The following DLGAP1 variants were observed in gnomAD, a reference collection of about 807,000 sequenced individuals.
DLGAP1 encodes the protein DLG associated protein 1.
Under a neutral mutation model 90.8 loss-of-function variants are expected in DLGAP1, and 11 were observed. The observed-to-expected ratio is 0.12, with a 90% CI of 0.08 to 0.20. DLGAP1 has a LOEUF of 0.20. Ranked by LOEUF, DLGAP1 falls within the 10% of genes least tolerant of loss-of-function variation. The pLI is 1.00. For missense variants in DLGAP1, 1,050 were observed against 1,333.8 expected, an observed-to-expected ratio of 0.79 and a Z score of 3.31; for synonymous variants, 558 against 540.7, an observed-to-expected ratio of 1.03 and a Z score of -0.44.
intron 2 of DLGAP1, among the ~76,000 whole-genome samples, chr18:4,135,265 G>C (rs1224215608): frequency 6.6e-6 from 1 of 152,028 alleles, no homozygotes; most frequent in Non-Finnish European, 1.5e-5. Flanking sequence ...GCAAACAGTA[G>C]AAGAGGGGGG....
intron 1 of DLGAP1, among the ~76,000 whole-genome samples, chr18:4,434,798 A>G: frequency 6.6e-6 from 1 of 152,214 alleles, no homozygotes; most frequent in East Asian, 1.9e-4. Flanking sequence ...AACAATGTTT[A>G]GAGGTCTGCC....
intron 2 of DLGAP1, among the ~76,000 whole-genome samples, chr18:4,118,868 A>G (rs2076106030): frequency 1.3e-5 from 2 of 152,250 alleles, no homozygotes; most frequent in South Asian, 4.1e-4. Flanking sequence ...TTAAAAAACT[A>G]TGTTTTTAAA....
At chr18:4,114,342 A>G (rs916766266) in intron 2 of DLGAP1, among the ~76,000 whole-genome samples, 4 of 151,600 alleles carry the variant, frequency 2.6e-5, no homozygotes, top group Non-Finnish European at 5.9e-5. Flanking sequence ...ATTCCTAGAT[A>G]TTTTACTTTA....
At chr18:3,688,276 G>T (rs2060770786) in intron 7 of DLGAP1, among the ~76,000 whole-genome samples, 1 of 151,964 alleles carries the variant, frequency 6.6e-6, no homozygotes, top group South Asian at 2.1e-4. Context: ...ATAGTTAATG[G>T]TTATCAAATG....
intron 2 of DLGAP1, among the ~76,000 whole-genome samples, chr18:4,021,371 G>A (rs1458923863): frequency 6.6e-6 from 1 of 152,044 alleles, no homozygotes; most frequent in Non-Finnish European, 1.5e-5. Context: ...GCTTAAAAGT[G>A]TGTGGTACCT....
intron 7 of DLGAP1, among the ~76,000 whole-genome samples, chr18:3,646,668 T>C (rs2059125864): frequency 6.6e-6 from 1 of 152,240 alleles, no homozygotes; most frequent in Non-Finnish European, 1.5e-5. Flanking sequence ...CTCATGCCTG[T>C]AATCCCAGCA....
intron 4 of DLGAP1, among the ~76,000 whole-genome samples, chr18:3,826,962 A>C (rs1247487032): frequency 2.0e-5 from 3 of 152,172 alleles, no homozygotes; most frequent in Non-Finnish European, 2.9e-5. Flanking sequence ...GAGAAACAGT[A>C]GTTAAGGGCG....
chr18:4,419,132 G>C (rs182177940), intron 1 of DLGAP1, among the ~76,000 whole-genome samples: 47 of 152,276 alleles, frequency 3.1e-4, no homozygotes, highest in African/African-American at 1.1e-3. Flanking sequence ...GTATTAGTCT[G>C]TTTTCATGCT....
At position 3,533,776 on chromosome 18, in the gene DLGAP1, T is replaced by C. The variant is rs1477245337; in HGVS notation, c.2479+418A>G. On this transcript the variant is annotated intron_variant, in intron 10 of 12. Transcript: ENST00000315677. ...TTTTCTTTTTTTATTTAAAAAGAAT[T>C]TTTGTGGGTATATAGTAGATGTATA... Among the ~76,000 whole-genome samples the C allele has an allele frequency of 5.3e-5, 8 of 152,052 alleles. No individual in the cohort carries two copies. In the East Asian group the frequency reaches 1.5e-3, roughly 29 times the overall value.
intron 3 of DLGAP1, among the ~76,000 whole-genome samples, chr18:3,887,638 A>AT (rs958712712): frequency 2.0e-5 from 3 of 151,516 alleles, no homozygotes; most frequent in Non-Finnish European, 2.9e-5. Flanking sequence ...CATACATGAC[A>AT]TTTTTTTTTA....
chr18:3,664,456 T>A (rs915515803), intron 7 of DLGAP1, among the ~76,000 whole-genome samples: 1 of 152,210 alleles, frequency 6.6e-6, no homozygotes, highest in Admixed American at 6.5e-5. Context: ...TGACTACACA[T>A]GTGCCCTGTC....
chr18:3,852,937 T>C (rs1406255307), intron 4 of DLGAP1, among the ~76,000 whole-genome samples: 2 of 152,068 alleles, frequency 1.3e-5, no homozygotes, highest in Non-Finnish European at 2.9e-5. Flanking sequence ...TGAAAGAAAT[T>C]GCATTTAAAT....
At chr18:3,814,905 A>T (rs923814894) in intron 4 of DLGAP1, among the ~76,000 whole-genome samples, 37 of 152,218 alleles carry the variant, frequency 2.4e-4, no homozygotes, top group African/African-American at 8.9e-4. Context: ...TTTAGACATT[A>T]ACCTTTCAAT....
rs544332374 is a variant in DLGAP1, at chr18:3,866,414, G to T, written c.957+12698C>A. On this transcript the variant is annotated intron_variant, in intron 4 of 12. Transcript: ENST00000315677. ...AACTCTTTCTTAGACAGCTTAGATT[G>T]ATTAATAGGGAAGGAATGGGCAGTA... 2.6e-5 allele frequency among the ~76,000 whole-genome samples: 4 copies of T among 152,284 alleles called. No homozygotes were observed. In the South Asian group the frequency reaches 8.3e-4, roughly 32 times the overall value.
intron 1 of DLGAP1, among the ~76,000 whole-genome samples, chr18:4,299,514 G>A (rs2080072514): frequency 6.6e-6 from 1 of 152,112 alleles, no homozygotes; most frequent in South Asian, 2.1e-4. Flanking sequence ...CATCTGTACA[G>A]AGCATCTATG....
chr18:4,227,054 T>C (rs2078206980), intron 1 of DLGAP1, among the ~76,000 whole-genome samples: 2 of 151,872 alleles, frequency 1.3e-5, no homozygotes, highest in Non-Finnish European at 2.9e-5. Flanking sequence ...AAGAGCACGG[T>C]AGCTATACTT....
At chr18:4,236,784 AT>A (rs1307411989) in intron 1 of DLGAP1, among the ~76,000 whole-genome samples, 2 of 152,082 alleles carry the variant, frequency 1.3e-5, no homozygotes, top group African/African-American at 4.8e-5. Flanking sequence ...ATGTAAGGCC[AT>A]GTCTCTACCA....
chr18:4,355,881 T>TTTTTTTTTTTTTTTTTTTTTTTTTG (rs1555605201), intron 1 of DLGAP1, among the ~76,000 whole-genome samples: 10 of 149,066 alleles, frequency 6.7e-5, no homozygotes, highest in African/African-American at 2.0e-4. Context: ...TCTGCTTTTT[T>TTTTTTTTTTTTTTTTTTTTTTTTTG]AATAGAAAAC....
chr18:3,697,807 G>T (rs1459568162), intron 7 of DLGAP1, among the ~76,000 whole-genome samples: 1 of 152,080 alleles, frequency 6.6e-6, no homozygotes, highest in Non-Finnish European at 1.5e-5. Context: ...CACTATTATT[G>T]TGTGGAAGCC....
Sources: allele counts gnomAD v4.1 joint callset (sites outside exome capture counted in the v4.1 genomes callset), GRCh38; gene constraint gnomAD v4.1.1; transcripts MANE v1.5; gene names NCBI Gene and HGNC (gene_info 2026-07-23, HGNC 2026-07-21).